The following FER variants were observed in gnomAD, a reference collection of about 807,000 sequenced individuals.
The protein encoded by FER is tyrosine-protein kinase Fer.
In FER, 63 loss-of-function variants were observed where a neutral mutation model predicts 111.0. That is an observed-to-expected ratio of 0.57 (90% confidence interval 0.46 to 0.70). The LOEUF is 0.70. Among genes scored for constraint, FER ranks in the 30% least tolerant of loss-of-function variants. The probability of loss-of-function intolerance (pLI) is 0.00; values close to 1 mark genes in which losing one functional copy is unlikely to be tolerated. For missense variants in FER, 914 were observed against 954.0 expected, an observed-to-expected ratio of 0.96 and a Z score of 0.55; for synonymous variants, 327 against 313.9, an observed-to-expected ratio of 1.04 and a Z score of -0.44.
At chr5:108,889,534 T>C (rs1026808367) in intron 9 of FER, among the ~76,000 whole-genome samples, 1 of 151,852 alleles carries the variant, frequency 6.6e-6, no homozygotes, top group African/African-American at 2.4e-5. Flanking sequence ...AGTAGAAGGA[T>C]GGTTATCAGA....
chr5:108,853,398 A>G (rs1762713544), intron 5 of FER, among the ~76,000 whole-genome samples: 1 of 152,238 alleles, frequency 6.6e-6, no homozygotes, highest in Non-Finnish European at 1.5e-5. Context: ...CATAAAATAA[A>G]TAAGTGAAAC....
At chr5:109,092,924 C>T (rs1426030643) in intron 16 of FER, among the ~76,000 whole-genome samples, 2 of 152,020 alleles carry the variant, frequency 1.3e-5, no homozygotes, top group African/African-American at 2.4e-5. Context: ...TATTATTCAG[C>T]CTTAAAGAAG....
chr5:109,128,399 T>A (rs954944600), intron 17 of FER, among the ~76,000 whole-genome samples: 2 of 152,192 alleles, frequency 1.3e-5, no homozygotes, highest in Non-Finnish European at 2.9e-5. Flanking sequence ...ATAAGTCTTC[T>A]AAGTAAGTCA....
At chr5:108,779,487 C>A (rs1416038714) in intron 2 of FER, among the ~76,000 whole-genome samples, 2 of 152,104 alleles carry the variant, frequency 1.3e-5, no homozygotes, top group African/African-American at 4.8e-5. Flanking sequence ...GTAAGTTTTT[C>A]TCATATTCAT....
chr5:108,785,854 C>T (rs1580516285), intron 2 of FER, among the ~76,000 whole-genome samples: 1 of 152,206 alleles, frequency 6.6e-6, no homozygotes, highest in Admixed American at 6.5e-5. Context: ...GTCATCCTGC[C>T]TCTGTGCTGT....
At position 108,836,020 on chromosome 5, in the gene FER, A is replaced by G. The variant is rs1204280252; in HGVS notation, c.481+213A>G. On this transcript the variant is annotated intron_variant, in intron 5 of 19. Coordinates refer to ENST00000281092, the MANE Select transcript of FER (RefSeq NM_005246.4). ...CTCAAAGTATTTTCGAATAGTTCATACTAAATGGAATTATGTAGCATGTGT... is the reference window on the plus strand; with the variant it reads ...CTCAAAGTATTTTCGAATAGTTCATGCTAAATGGAATTATGTAGCATGTGT... 3.3e-5 allele frequency: 9 copies of G among 276,052 alleles called. No homozygotes were observed. The South Asian group carries it at 3.9e-4, about 12-fold the overall frequency. 17.1% of individuals were successfully genotyped at this position (276,052 alleles called of 1,614,324 possible). A position where few individuals can be genotyped will look rare whatever the true frequency, so the allele number is the denominator to read the frequency against.
intron 16 of FER, among the ~76,000 whole-genome samples, chr5:109,075,151 C>T (rs569765375): frequency 5.1e-4 from 78 of 152,234 alleles, no homozygotes; most frequent in African/African-American, 1.8e-3. Context: ...CTCTTGTTTA[C>T]GCTGCTGTCT....
At chr5:109,085,455 AT>A (rs372809899) in intron 16 of FER, among the ~76,000 whole-genome samples, 7,673 of 140,768 alleles carry the variant, frequency 0.055, 224 homozygotes, top group South Asian at 0.1. Flanking sequence ...AATCTGGTGG[AT>A]TTTTTTTTTT....
chr5:108,875,090 G>T (rs909893160), intron 8 of FER, among the ~76,000 whole-genome samples: 1 of 151,946 alleles, frequency 6.6e-6, no homozygotes, highest in African/African-American at 2.4e-5. Flanking sequence ...GCATTTTATC[G>T]TAATCTCATT....
intron 10 of FER, among the ~76,000 whole-genome samples, chr5:108,927,250 C>CTTTTTTTTTTTTTTTTT (rs773963733): frequency 1.8e-4 from 17 of 95,356 alleles, no homozygotes; most frequent in African/African-American, 2.2e-4. Context: ...TGAGAAGTGG[C>CTTTTTTTTTTTTTTTTT]TCTTTTTTTT....
intron 17 of FER, among the ~76,000 whole-genome samples, chr5:109,153,199 G>A (rs1342767403): frequency 7.2e-6 from 1 of 138,676 alleles, no homozygotes; most frequent in Admixed American, 7.0e-5. Flanking sequence ...ATTAAACCAG[G>A]ATTTTATGGT....
At chr5:108,924,481 A>T in intron 10 of FER, 1 of 595,384 alleles carries the variant, frequency 1.7e-6, no homozygotes, top group Non-Finnish European at 2.4e-6. Context: ...TGTTGGCTGT[A>T]TCTGTTCCTT....
chr5:108,845,685 G>A (rs1468959071), intron 5 of FER, among the ~76,000 whole-genome samples: 1 of 152,042 alleles, frequency 6.6e-6, no homozygotes, highest in East Asian at 1.9e-4. Flanking sequence ...AGCAAACAAT[G>A]TTGGCTTGCC....
Position 109,011,513 on chromosome 5 carries a change from A to C in FER, c.1657-25909A>C, listed in dbSNP as rs1188331229. ...ATCCCTTTGTTGTTATTAGCATGCC[A>C]TTTGTAATATTTCCTTTAACTTCTT... On this transcript the variant is annotated intron_variant, in intron 13 of 19. Coordinates refer to ENST00000281092, the MANE Select transcript of FER (RefSeq NM_005246.4). 9.2e-5 allele frequency among the ~76,000 whole-genome samples: 14 copies of C among 152,144 alleles called. No individual in the cohort carries two copies. In the East Asian group the frequency reaches 2.7e-3, roughly 29 times the overall value.
chr5:109,165,864 G>A (rs546018259), intron 17 of FER, among the ~76,000 whole-genome samples: 11 of 152,030 alleles, frequency 7.2e-5, no homozygotes, highest in Non-Finnish European at 1.2e-4. Context: ...GGCAATTTGT[G>A]TGCAGCCTTC....
chr5:109,019,221 A>C (rs1420620796), intron 13 of FER, among the ~76,000 whole-genome samples: 1 of 151,646 alleles, frequency 6.6e-6, no homozygotes, highest in African/African-American at 2.4e-5. Flanking sequence ...ATACTCCATT[A>C]ATTTCATTAA....
intron 16 of FER, among the ~76,000 whole-genome samples, chr5:109,053,980 T>C (rs1176516622): frequency 6.6e-6 from 1 of 151,620 alleles, no homozygotes; most frequent in Non-Finnish European, 1.5e-5. Context: ...CGTGAGCCAC[T>C]GCGCCCGGCC....
At chr5:108,852,758 T>C (rs866640575) in intron 5 of FER, among the ~76,000 whole-genome samples, 6 of 152,118 alleles carry the variant, frequency 3.9e-5, no homozygotes, top group South Asian at 4.1e-4. Flanking sequence ...CTGCATAAAG[T>C]ATGAAGTGAA....
intron 10 of FER, among the ~76,000 whole-genome samples, chr5:108,941,558 T>C (rs1044877600): frequency 6.6e-6 from 1 of 152,182 alleles, no homozygotes; most frequent in Non-Finnish European, 1.5e-5. Context: ...TTAAGTCAAG[T>C]AGAAAAATTT....
Sources: allele counts gnomAD v4.1 joint callset (sites outside exome capture counted in the v4.1 genomes callset), GRCh38; gene constraint gnomAD v4.1.1; transcripts MANE v1.5; gene names NCBI Gene and HGNC (gene_info 2026-07-23, HGNC 2026-07-21).